MCUB: variants seen among roughly 807,000 people sequenced by gnomAD.
MCUB encodes the protein calcium uniporter regulatory subunit MCUb, mitochondrial.
In MCUB, 46 loss-of-function variants were observed where a neutral mutation model predicts 41.4. That is an observed-to-expected ratio of 1.11 (90% CI 0.88 to 1.42). The LOEUF is 1.42. MCUB is among the 40% of genes most tolerant of loss of function. MCUB has a pLI of 0.00. For synonymous variants in MCUB, 148 were observed against 148.2 expected (o/e 1.00, Z 0.01); for missense variants, 403 against 404.9 (o/e 1.00, Z 0.04).
In MCUB at chr4:109,688,211, ACTTTCT is replaced by A. The variant is rs1420994876; in HGVS notation, c.*620_*625del. 6 of 152,286 alleles carry A rather than the reference ACTTTCT, an allele frequency of 3.9e-5. No homozygotes were observed. Among genetic ancestry groups the A allele is most frequent in the African/African-American group, 1.2e-4 (5 of 41,474 alleles). 9.4% of individuals were successfully genotyped at this position (152,286 alleles called of 1,614,324 possible). ...TCAGGTATCGAAGCCAAAACAGTTA[ACTTTCT>A]TCAGCCTCTGGCAGATTATTAACAA... is the stretch of plus-strand genomic sequence containing the variant. On this transcript the variant is annotated 3_prime_UTR_variant, in exon 8 of 8. Transcript: ENST00000394650.
intron 1 of MCUB, among the ~76,000 whole-genome samples, chr4:109,620,924 A>C (rs1056715725): frequency 6.7e-6 from 1 of 149,974 alleles, no homozygotes. Context: ...CCCAAGATGG[A>C]GTCTCTCTCT....
intron 2 of MCUB, among the ~76,000 whole-genome samples, chr4:109,659,720 G>A (rs1340626731): frequency 6.6e-6 from 1 of 152,106 alleles, no homozygotes; most frequent in African/African-American, 2.4e-5. Context: ...GCAGTGGCAC[G>A]ATCTCGGCTC....
chr4:109,660,235 A>C lies in MCUB; in HGVS notation c.216A>C (p.Thr72=). 4 of 1,599,766 alleles carry C rather than the reference A, an allele frequency of 2.5e-6. No homozygotes were observed. Among genetic ancestry groups the C allele is most frequent in the Non-Finnish European group, 3.4e-6 (4 of 1,168,118 alleles). The change falls in exon 3 of 8, where the codon ACA becomes ACC. Residue 72 remains threonine (T), a synonymous_variant. Coordinates refer to ENST00000394650, the MANE Select transcript of MCUB (RefSeq NM_017918.5). ...VIYRHGLPLV[T]LTLPSRKERC... is the part of the protein sequence containing the mutation. Reference sequence around the variant, plus strand: ...ATAGACATGGCCTTCCCTTGGTAACACTTACCTTGCCATCTAGAAAAGAAC... The same window carrying C: ...ATAGACATGGCCTTCCCTTGGTAACCCTTACCTTGCCATCTAGAAAAGAAC...
At chr4:109,687,376 A>G (rs560924098) in intron 7 of MCUB, 139 bp from the exon 8 acceptor site, 9 of 591,352 alleles carry the variant, frequency 1.5e-5, no homozygotes, top group Non-Finnish European at 2.4e-5. Context: ...ATATATATAT[A>G]TTTCAGCCAT....
chr4:109,600,799 T>C (rs1727713292), intron 1 of MCUB, among the ~76,000 whole-genome samples: 1 of 152,066 alleles, frequency 6.6e-6, no homozygotes, highest in Non-Finnish European at 1.5e-5. Flanking sequence ...TATATATATA[T>C]ATTTTTTTCC....
At chr4:109,575,169 G>T (rs73838818) in intron 1 of MCUB, among the ~76,000 whole-genome samples, 1,824 of 152,216 alleles carry the variant, frequency 0.012, 33 homozygotes, top group African/African-American at 0.041. Context: ...AACCACTGAG[G>T]TTTGGAGATT....
At chr4:109,579,145 G>A (rs1579047302) in intron 1 of MCUB, among the ~76,000 whole-genome samples, 1 of 152,094 alleles carries the variant, frequency 6.6e-6, no homozygotes, top group East Asian at 1.9e-4. Context: ...TGATACTTCT[G>A]TTTTGTACTT....
Position 109,658,421 on chromosome 4 carries a change from G to A in MCUB, c.100-590G>A, listed in dbSNP as rs1034161997. Among the ~76,000 whole-genome samples the A allele has an allele frequency of 1.2e-4, 18 of 151,848 alleles. No homozygotes were observed. In the Middle Eastern group the frequency reaches 0.01, roughly 86 times the overall value. On this transcript the variant is annotated intron_variant, in intron 1 of 7. Transcript: ENST00000394650. ...CAAGTGATTCTCCTGCCTCAGCCTC[G>A]CGAGTAGCTGGGATTACAGGCATGT...
intron 1 of MCUB, among the ~76,000 whole-genome samples, chr4:109,600,196 T>C (rs1482346988): frequency 6.6e-6 from 1 of 152,224 alleles, no homozygotes; most frequent in Non-Finnish European, 1.5e-5. Flanking sequence ...ATCTTGCTTC[T>C]AGTTTTAGTT....
rs1489494610 is a variant in MCUB at position 109,688,688 on chromosome 4, AC to A, written c.*1097del. 3.3e-5 allele frequency: 5 copies of A among 152,134 alleles called. No individual in the cohort carries two copies. The highest frequency in any genetic ancestry group is 3.3e-4 in the Admixed American group (5 of 15,272). The allele number at this position is 152,134 out of a possible 1,614,324, so 9.4% of individuals were successfully genotyped here. On this transcript the variant is annotated 3_prime_UTR_variant, in exon 8 of 8. Coordinates refer to ENST00000394650, the MANE Select transcript of MCUB (RefSeq NM_017918.5). ...TCCTGGATTTCAAAAACCTTTAAAAACATCAAACAATAAACTTTTATAAAAA... is the reference window on the plus strand; with the variant it reads ...TCCTGGATTTCAAAAACCTTTAAAAAATCAAACAATAAACTTTTATAAAAA...
intron 1 of MCUB, among the ~76,000 whole-genome samples, chr4:109,612,912 C>A (rs1728046090): frequency 6.6e-6 from 1 of 152,132 alleles, no homozygotes. Context: ...CAAGACCATC[C>A]TGGCTAACAC....
At chr4:109,670,822 G>A (rs1470351741) in intron 4 of MCUB, among the ~76,000 whole-genome samples, 1 of 151,848 alleles carries the variant, frequency 6.6e-6, no homozygotes, top group Non-Finnish European at 1.5e-5. Flanking sequence ...TTTTTCTTCA[G>A]TTTTCACTGT....
intron 4 of MCUB, among the ~76,000 whole-genome samples, chr4:109,676,498 C>A (rs1169428996): frequency 6.6e-6 from 1 of 152,106 alleles, no homozygotes; most frequent in East Asian, 1.9e-4. Context: ...AACTTCTGAG[C>A]CCTCACCAGA....
chr4:109,560,527 CG>C (rs1726596962), intron 1 of MCUB, 91 bp downstream of exon 1: 1 of 614,374 alleles, frequency 1.6e-6, no homozygotes, highest in South Asian at 7.7e-5. Context: ...GCCGAGCGGC[CG>C]AGCAGTCAAC....
At chr4:109,569,705 G>T (rs962547280) in intron 1 of MCUB, among the ~76,000 whole-genome samples, 1 of 151,758 alleles carries the variant, frequency 6.6e-6, no homozygotes, top group Admixed American at 6.6e-5. Context: ...GTTTCCCCAT[G>T]TTGGCCAGGC....
At chr4:109,658,058 G>A (rs1044729594) in intron 1 of MCUB, among the ~76,000 whole-genome samples, 2 of 152,172 alleles carry the variant, frequency 1.3e-5, no homozygotes, top group African/African-American at 2.4e-5. Context: ...GAACTCCTGA[G>A]CTCAAGCAAT....
intron 1 of MCUB, among the ~76,000 whole-genome samples, chr4:109,635,912 C>T (rs1278315433): frequency 6.6e-6 from 1 of 152,096 alleles, no homozygotes; most frequent in Non-Finnish European, 1.5e-5. Context: ...CTTTGTTTGT[C>T]TTTTAAGAAC....
chr4:109,649,474 C>T (rs763615315), intron 1 of MCUB, among the ~76,000 whole-genome samples: 5 of 151,974 alleles, frequency 3.3e-5, no homozygotes, highest in East Asian at 1.9e-4. Context: ...ATGTTTTAGT[C>T]GCTCAGTCTC....
chr4:109,667,593 T>G (rs1729371248), intron 4 of MCUB, among the ~76,000 whole-genome samples: 1 of 151,084 alleles, frequency 6.6e-6, no homozygotes, highest in African/African-American at 2.4e-5. Context: ...TGGTTTCTAC[T>G]CTATGTTTAT....
Sources: allele counts gnomAD v4.1 joint callset (sites outside exome capture counted in the v4.1 genomes callset), GRCh38; gene constraint gnomAD v4.1.1; transcripts MANE v1.5; gene names NCBI Gene and HGNC (gene_info 2026-07-23, HGNC 2026-07-21).